The following UBE4B variants were observed in gnomAD, a reference collection of about 807,000 sequenced individuals.
The protein encoded by UBE4B is ubiquitination factor E4B.
In UBE4B, 27 loss-of-function variants were observed where a neutral mutation model predicts 148.1. The ratio of observed to expected loss-of-function variants is 0.18; its 90% confidence interval spans 0.13 to 0.25. The LOEUF (loss-of-function observed/expected upper bound fraction) is 0.25. Among genes scored for constraint, UBE4B ranks in the 10% least tolerant of loss-of-function variants. The probability of loss-of-function intolerance (pLI) is 1.00; values close to 1 mark genes in which losing one functional copy is unlikely to be tolerated. For synonymous variants in UBE4B, 596 were observed against 619.3 expected, an observed-to-expected ratio of 0.96 and a Z score of 0.56; for missense variants, 1,170 against 1,662.4, an observed-to-expected ratio of 0.70 and a Z score of 5.15.
Position 10,161,037 on chromosome 1 carries a change from G to A in UBE4B, c.3054-105G>A. ...GTGCCAGGGTAGCCAGGCTTTTAGG[G>A]TGAGATAGTTGCAGTCTGGGTGGAG... On this transcript the variant is annotated intron_variant, in intron 22 of 27. Coordinates refer to ENST00000343090, the MANE Select transcript of UBE4B (RefSeq NM_001105562.3). The surrounding 1 kb of genome is among the most constrained non-coding windows in gnomAD (Gnocchi z 4.1). 1 of 1,316,580 alleles carries A rather than the reference G, an allele frequency of 7.6e-7. No homozygotes were observed. The highest frequency in any genetic ancestry group is 2.4e-5 in the East Asian group (1 of 42,470). 81.6% of individuals were successfully genotyped at this position (1,316,580 alleles called of 1,614,324 possible).
intron 26 of UBE4B, 71 bp downstream of exon 26, chr1:10,178,889 C>A: frequency 6.8e-7 from 1 of 1,464,732 alleles, no homozygotes. Context: ...TACAAGAGGA[C>A]GTCCTGTGCA....
intron 5 of UBE4B, among the ~76,000 whole-genome samples, chr1:10,104,245 C>T (rs1212738008): frequency 6.6e-6 from 1 of 152,128 alleles, no homozygotes; most frequent in East Asian, 1.9e-4. Flanking sequence ...TCTGATATTC[C>T]ACTTTAAGAG....
At chr1:10,041,554 C>T (rs1260563047) in intron 1 of UBE4B, among the ~76,000 whole-genome samples, 1 of 151,840 alleles carries the variant, frequency 6.6e-6, no homozygotes, top group African/African-American at 2.4e-5. Flanking sequence ...AGGCTGGTCT[C>T]GAACTTCTGA....
intron 21 of UBE4B, among the ~76,000 whole-genome samples, chr1:10,152,433 C>T (rs1645992189): frequency 6.6e-6 from 1 of 152,132 alleles, no homozygotes; most frequent in East Asian, 1.9e-4. Flanking sequence ...TGCTATGAAA[C>T]TCTCATGAGA....
In UBE4B at chr1:10,101,163, G is replaced by A. The variant is rs765951687; in HGVS notation, c.403G>A (p.Asp135Asn). 1 of 1,614,168 alleles carries A rather than the reference G, an allele frequency of 6.2e-7. No individual in the cohort carries two copies. Among genetic ancestry groups the A allele is most frequent in the South Asian group, 1.1e-5 (1 of 91,078 alleles). ...GIENMEVDEN[D>N]RREKRSLSDK... ...TGAAAACATGGAGGTTGATGAAAAT[G>A]ATCGAAGAGAAAAGCGGAGCCTCAG... Residue 135 changes from aspartate (D) to asparagine (N), a missense_variant, in exon 4 of 28, where the codon GAT (aspartate) becomes AAT (asparagine). By Grantham distance (23) the Asp-to-Asn change is conservative. This residue lies in a region of UBE4B where 91 missense variants were observed against 120.5 expected (regional missense o/e 0.76). Transcript: ENST00000343090.
At chr1:10,173,495 T>A (rs1355722328) in intron 25 of UBE4B, among the ~76,000 whole-genome samples, 23 of 141,916 alleles carry the variant, frequency 1.6e-4, no homozygotes, top group African/African-American at 6.0e-4. Flanking sequence ...AAAAAAAAAA[T>A]TATATATATA....
intron 1 of UBE4B, among the ~76,000 whole-genome samples, chr1:10,053,749 C>T (rs868632884): frequency 1.8e-4 from 28 of 152,212 alleles, no homozygotes; most frequent in African/African-American, 6.5e-4. Flanking sequence ...AGTGCAGTGG[C>T]GTGATCACGG....
chr1:10,047,797 G>A (rs981852716), intron 1 of UBE4B, among the ~76,000 whole-genome samples: 5 of 152,148 alleles, frequency 3.3e-5, no homozygotes, highest in African/African-American at 9.7e-5. Flanking sequence ...TGGCCCATAT[G>A]TCATTACTTA....
chr1:10,060,296 C>T (rs561235244), intron 1 of UBE4B, among the ~76,000 whole-genome samples: 16 of 152,166 alleles, frequency 1.1e-4, no homozygotes, highest in African/African-American at 2.2e-4. Flanking sequence ...TGGATACTTA[C>T]GGTATGGCCT....
In UBE4B at chr1:10,161,999, C is replaced by CTTTTCTTTTTTTTTTTTTTT. The variant is rs1553154002; in HGVS notation, c.3198+717_3198+718insCTTTTTTTTTTTTTTTTTTT. On this transcript the variant is annotated intron_variant, in intron 23 of 27. Transcript: ENST00000343090. The surrounding 1 kb of genome is among the most constrained non-coding windows in gnomAD (Gnocchi z 4.1). Reference sequence around the variant, plus strand: ...GGGGACTGCTTTTTCTTCACTTTTTCTTTTTTTTTTTTTTTTGAGACGGAG... The same window carrying CTTTTCTTTTTTTTTTTTTTT: ...GGGGACTGCTTTTTCTTCACTTTTTCTTTTCTTTTTTTTTTTTTTTTTTTTTTTTTTTTTTTGAGACGGAG... Among the ~76,000 whole-genome samples, 5 of 137,256 alleles carry CTTTTCTTTTTTTTTTTTTTT rather than the reference C, an allele frequency of 3.6e-5. No homozygotes were observed. The highest frequency in any genetic ancestry group is 7.3e-5 in the Admixed American group (1 of 13,650). 90.0% of individuals were successfully genotyped at this position (137,256 alleles called of 152,430 possible).
intron 2 of UBE4B, among the ~76,000 whole-genome samples, chr1:10,089,723 G>A (rs1045913303): frequency 2.9e-4 from 42 of 145,304 alleles, no homozygotes; most frequent in Non-Finnish European, 5.4e-4. Context: ...TTTTTGAGAC[G>A]GAGTCTCACT....
rs1645092902 is a variant in UBE4B, at chr1:10,105,627, C to G, written c.692C>G (p.Pro231Arg). 1.9e-6 allele frequency: 3 copies of G among 1,614,218 alleles called. No homozygotes were observed. Among genetic ancestry groups the G allele is most frequent in the Non-Finnish European group, 2.5e-6 (3 of 1,180,054 alleles). ...PFASLTATSQ[P>R]IAAAARSPDR... ...GCCAGTCTGACAGCCACATCACAGC[C>G]AATTGCTGCAGCAGCACGGTCACCA... The change falls in exon 6 of 28, where the codon CCA becomes CGA. Residue 231 changes from proline to arginine, a missense_variant. This residue lies in a region of UBE4B where 214 missense variants were observed against 209.1 expected (regional missense o/e 1.02). Transcript: ENST00000343090.
At chr1:10,153,342 C>T (rs1010979785) in intron 21 of UBE4B, among the ~76,000 whole-genome samples, 1 of 151,000 alleles carries the variant, frequency 6.6e-6, no homozygotes, top group Non-Finnish European at 1.5e-5. Context: ...CCCATCTCTA[C>T]GAAAAATTTA....
At chr1:10,050,481 T>C (rs1369421752) in intron 1 of UBE4B, among the ~76,000 whole-genome samples, 1 of 152,168 alleles carries the variant, frequency 6.6e-6, no homozygotes, top group African/African-American at 2.4e-5. Flanking sequence ...TAGGGAGAAG[T>C]TGGAGGAACG....
chr1:10,090,897 G>A (rs1644837535), intron 2 of UBE4B, among the ~76,000 whole-genome samples: 1 of 151,858 alleles, frequency 6.6e-6, no homozygotes, highest in Non-Finnish European at 1.5e-5. Context: ...GTACTTGAAA[G>A]GGAACATCAT....
chr1:10,122,769 A>G (rs1645431096), intron 10 of UBE4B, among the ~76,000 whole-genome samples: 3 of 152,182 alleles, frequency 2.0e-5, no homozygotes. Flanking sequence ...TCCCTGATGA[A>G]AGGGCTTTTA....
At chr1:10,055,752 T>A (rs184119926) in intron 1 of UBE4B, among the ~76,000 whole-genome samples, 27 of 152,250 alleles carry the variant, frequency 1.8e-4, no homozygotes, top group Admixed American at 5.9e-4. Context: ...AAACCCTGTC[T>A]TTACTAAAAA....
At chr1:10,034,017 AGT>A (rs1200740057) in intron 1 of UBE4B, among the ~76,000 whole-genome samples, 1 of 152,132 alleles carries the variant, frequency 6.6e-6, no homozygotes, top group Non-Finnish European at 1.5e-5. Context: ...ATGAAGTTAA[AGT>A]GTGTGTGTGT....
At chr1:10,175,460 G>A (rs1220843788) in intron 25 of UBE4B, among the ~76,000 whole-genome samples, 12 of 151,090 alleles carry the variant, frequency 7.9e-5, no homozygotes, top group South Asian at 2.1e-4. Context: ...GACCGTCCTG[G>A]CTAACACGGT....
Sources: gnomAD v4.1 joint callset for allele counts (sites outside exome capture counted in the v4.1 genomes callset) on GRCh38, gnomAD v4.1.1 for gene constraint, gnomAD v4.1.1 regional missense constraint, Gnocchi (gnomAD v3.1) non-coding constraint, MANE v1.5 for transcripts, NCBI Gene and HGNC (gene_info 2026-07-23, HGNC 2026-07-21) for gene names.